BCAS3: variants seen among roughly 807,000 people sequenced by gnomAD.
The protein encoded by BCAS3 is BCAS4/BCAS3 fusion.
BCAS3 carries 53 observed loss-of-function variants against 116.1 expected under a neutral mutation model. The ratio of observed to expected loss-of-function variants is 0.46; its 90% CI spans 0.37 to 0.57. BCAS3 has a LOEUF of 0.57. BCAS3 is among the 20% of genes least tolerant of loss of function. The pLI, the probability that BCAS3 is intolerant of heterozygous loss-of-function variation, is 0.00. For synonymous variants in BCAS3, 391 were observed against 408.2 expected, an observed-to-expected ratio of 0.96 and a Z score of 0.51; for missense variants, 917 against 1,165.4, an observed-to-expected ratio of 0.79 and a Z score of 3.10.
intron 22 of BCAS3, among the ~76,000 whole-genome samples, chr17:61,107,210 C>T (rs904191107): frequency 6.6e-6 from 1 of 151,714 alleles, no homozygotes; most frequent in African/African-American, 2.4e-5. Context: ...CCTCAGCCTC[C>T]TGAGTAGCTG....
intron 22 of BCAS3, among the ~76,000 whole-genome samples, chr17:61,153,630 C>T (rs2077664503): frequency 6.6e-6 from 1 of 152,122 alleles, no homozygotes. Flanking sequence ...TACCATAATC[C>T]AAAAATTTCA....
At chr17:61,372,455 C>T (rs1201023860) in intron 23 of BCAS3, among the ~76,000 whole-genome samples, 3 of 152,200 alleles carry the variant, frequency 2.0e-5, no homozygotes. Flanking sequence ...AAATAATTTC[C>T]AAGTTGGCTT....
chr17:60,853,745 A>T (rs2053393724), intron 7 of BCAS3, among the ~76,000 whole-genome samples: 1 of 152,192 alleles, frequency 6.6e-6, no homozygotes, highest in African/African-American at 2.4e-5. Context: ...ATCTACACAC[A>T]ATTTTAAACA....
chr17:61,116,439 T>C (rs988644537), intron 22 of BCAS3, among the ~76,000 whole-genome samples: 1 of 152,166 alleles, frequency 6.6e-6, no homozygotes, highest in African/African-American at 2.4e-5. Context: ...TGATTTATAA[T>C]ATAATTATCT....
At chr17:61,178,018 T>G (rs961144885) in intron 22 of BCAS3, among the ~76,000 whole-genome samples, 4 of 152,178 alleles carry the variant, frequency 2.6e-5, no homozygotes, top group African/African-American at 9.6e-5. Flanking sequence ...ATAAAAAAAT[T>G]AGACACTTGT....
chr17:60,799,735 T>TTC (rs1429156594), intron 6 of BCAS3, among the ~76,000 whole-genome samples: 1 of 100,498 alleles, frequency 1.0e-5, no homozygotes, highest in Non-Finnish European at 2.1e-5. Flanking sequence ...TTTTTTTTTT[T>TTC]AGTAGAACTG....
intron 14 of BCAS3, among the ~76,000 whole-genome samples, chr17:60,959,247 C>CA (rs560529805): frequency 7.8e-4 from 118 of 152,010 alleles, no homozygotes; most frequent in African/African-American, 2.5e-3. Context: ...GTCAAGACTG[C>CA]AGTGAGTCAT....
chr17:61,284,883 C>A (rs1229041716), intron 22 of BCAS3, among the ~76,000 whole-genome samples: 1 of 152,210 alleles, frequency 6.6e-6, no homozygotes, highest in East Asian at 1.9e-4. Context: ...TGACCTGATG[C>A]CACCTCAGAA....
Position 61,089,426 on chromosome 17 carries a change from A to G in BCAS3, c.2425+4862A>G, listed in dbSNP as rs573527006. On this transcript the variant is annotated intron_variant, in intron 22 of 23. Coordinates refer to ENST00000407086, the MANE Select transcript of BCAS3 (RefSeq NM_017679.5). Reference sequence around the variant, plus strand: ...GCTGGAAGGACCTTCTTATAGAGGCATTCTTTTATCATATAGAGATTTTGT... The same window carrying G: ...GCTGGAAGGACCTTCTTATAGAGGCGTTCTTTTATCATATAGAGATTTTGT... 5.0e-5 allele frequency among the ~76,000 whole-genome samples: 7 copies of G among 139,676 alleles called. No individual in the cohort carries two copies. In the South Asian group the frequency reaches 1.6e-3, roughly 32 times the overall value. The allele number at this position is 139,676 out of a possible 152,430, so 91.6% of individuals were successfully genotyped here. A position where few individuals can be genotyped will look rare whatever the true frequency, so the allele number is the denominator to read the frequency against.
At chr17:60,850,822 A>G (rs550579782) in intron 7 of BCAS3, among the ~76,000 whole-genome samples, 12 of 152,342 alleles carry the variant, frequency 7.9e-5, no homozygotes, top group African/African-American at 1.4e-4. Context: ...CAAAAGATCT[A>G]TATGAGTAAA....
chr17:60,888,555 G>A (rs945208990), intron 9 of BCAS3, among the ~76,000 whole-genome samples: 1 of 152,010 alleles, frequency 6.6e-6, no homozygotes, highest in African/African-American at 2.4e-5. Flanking sequence ...CTAATCTATT[G>A]TGTAAATACT....
At chr17:61,250,141 C>T (rs2048263560) in intron 22 of BCAS3, among the ~76,000 whole-genome samples, 1 of 152,182 alleles carries the variant, frequency 6.6e-6, no homozygotes, top group Non-Finnish European at 1.5e-5. Flanking sequence ...CAGTAGAGAG[C>T]TTTGCCTTCA....
intron 15 of BCAS3, among the ~76,000 whole-genome samples, chr17:61,010,464 G>A (rs188265376): frequency 0.03 from 4,531 of 151,744 alleles, 229 homozygotes; most frequent in African/African-American, 0.1. Context: ...GAAAAAAAGA[G>A]CACAAGAAGT....
At chr17:60,782,685 T>C (rs1343365802) in intron 6 of BCAS3, among the ~76,000 whole-genome samples, 1 of 151,690 alleles carries the variant, frequency 6.6e-6, no homozygotes, top group Admixed American at 6.6e-5. Flanking sequence ...TCTCAGGTTC[T>C]AGCAATTCAC....
At chr17:60,923,926 A>G (rs2059232835) in intron 12 of BCAS3, among the ~76,000 whole-genome samples, 1 of 152,130 alleles carries the variant, frequency 6.6e-6, no homozygotes, top group Admixed American at 6.5e-5. Flanking sequence ...ATGTTATTGG[A>G]TGATTTCTCT....
intron 7 of BCAS3, among the ~76,000 whole-genome samples, chr17:60,850,119 G>A (rs925504916): frequency 6.6e-6 from 1 of 151,994 alleles, no homozygotes; most frequent in Admixed American, 6.6e-5. Context: ...TTAAATTAGT[G>A]TGGCTAGTAC....
In BCAS3 at chr17:61,034,775, C is replaced by G. The variant is rs760783681; in HGVS notation, c.1747C>G (p.Leu583Val). The change falls in exon 17 of 24, where the codon CTG becomes GTG. Residue 583 changes from leucine (L) to valine (V), a missense_variant. Leu to Val is a conservative substitution (Grantham distance 32). Coordinates refer to ENST00000407086, the MANE Select transcript of BCAS3 (RefSeq NM_017679.5). The surrounding 1 kb of genome is among the most constrained non-coding windows in gnomAD (Gnocchi z 5.0). ...SRSWFANNAG[L>V]KREKDQSKQV... ...GTCATGGTTTGCAAATAATGCAGGT[C>G]TGAAAAGAGAAAAAGGTATGTATTT... is the stretch of plus-strand genomic sequence containing the variant. The G allele has an allele frequency of 6.2e-7, 1 of 1,604,346 alleles. No homozygotes were observed. Among genetic ancestry groups the G allele is most frequent in the South Asian group, 1.1e-5 (1 of 88,722 alleles).
chr17:61,111,615 G>A (rs1281368775), intron 22 of BCAS3, among the ~76,000 whole-genome samples: 5 of 149,690 alleles, frequency 3.3e-5, no homozygotes, highest in African/African-American at 1.2e-4. Context: ...TCTGATCGGT[G>A]TACCTGAAAG....
Position 61,388,835 on chromosome 17 carries a change from G to A in BCAS3, c.2594-3142G>A. The A allele has an allele frequency of 1.1e-6, 1 of 937,020 alleles. No homozygotes were observed. The highest frequency in any genetic ancestry group is 1.6e-5 in the South Asian group (1 of 62,340). The allele number at this position is 937,020 out of a possible 1,614,324, so 58.0% of individuals were successfully genotyped here. A position where few individuals can be genotyped will look rare whatever the true frequency, so the allele number is the denominator to read the frequency against. On this transcript the variant is annotated intron_variant, in intron 23 of 23. Coordinates refer to ENST00000407086, the MANE Select transcript of BCAS3 (RefSeq NM_017679.5). This position sits in a 1 kb window ranked among gnomAD's most constrained non-coding sequence, Gnocchi z 6.5. ...CACACACCCCTGCCTGCAGGGGGAG[G>A]AGCAGAAGGGGTCTGAGAGGAGGCG...
Sources: gnomAD v4.1 joint callset for allele counts (sites outside exome capture counted in the v4.1 genomes callset) on GRCh38, gnomAD v4.1.1 for gene constraint, Gnocchi (gnomAD v3.1) non-coding constraint, MANE v1.5 for transcripts, NCBI Gene and HGNC (gene_info 2026-07-23, HGNC 2026-07-21) for gene names.